Variants in SOHLH1 observed in about 807,000 individuals in gnomAD.
The protein encoded by SOHLH1 is spermatogenesis- and oogenesis-specific basic helix-loop-helix-containing protein 1.
A neutral mutation model predicts 36.2 loss-of-function variants in SOHLH1; 23 were observed. The observed-to-expected ratio is 0.64, with a 90% CI of 0.46 to 0.90. The LOEUF (loss-of-function observed/expected upper bound fraction) is 0.90, where lower values mean the gene tolerates loss of function less well. Ranked by LOEUF, SOHLH1 falls within the 40% of genes least tolerant of loss-of-function variation. The probability of loss-of-function intolerance (pLI) is 0.00; values close to 1 mark genes in which losing one functional copy is unlikely to be tolerated. For missense variants in SOHLH1, 608 were observed against 517.0 expected (o/e 1.18, Z -1.71); for synonymous variants, 289 against 228.3 (o/e 1.27, Z -2.40).
chr9:135,698,349 G>A lies in SOHLH1; in HGVS notation c.325C>T (p.Pro109Ser), dbSNP rs1834892273. 4 of 1,612,982 alleles carry A rather than the reference G, an allele frequency of 2.5e-6. No individual in the cohort carries two copies. Among genetic ancestry groups the A allele is most frequent in the South Asian group, 1.1e-5 (1 of 91,080 alleles). Residue 109 changes from proline (P) to serine (S), a missense_variant, in exon 3 of 8, where the codon CCC becomes TCC. Physicochemically the swap from Pro to Ser is moderately conservative, Grantham distance 74 (BLOSUM62 -1). Coordinates refer to ENST00000425225, the MANE Select transcript of SOHLH1 (RefSeq NM_001101677.2). ...QFLRLASALGPSQEQHAILAS... is the reference protein window; with the variant it reads ...QFLRLASALGSSQEQHAILAS... ...CTCACAGCGTGCTGCTCCTGACTGG[G>A]CCCCAGGGCGCTGGCAAGCCGCAGG...
intron 3 of SOHLH1, 36 bp from the exon 4 acceptor site, chr9:135,697,663 G>C: frequency 6.3e-7 from 1 of 1,599,360 alleles, no homozygotes; most frequent in African/African-American, 1.3e-5. Context: ...CAAAGACAGA[G>C]ACAGTCAGCT....
intron 5 of SOHLH1, 23 bp downstream of exon 5, chr9:135,696,589 C>T (rs1449056146): frequency 6.2e-7 from 1 of 1,610,960 alleles, no homozygotes; most frequent in Non-Finnish European, 8.5e-7. Context: ...CAAAGGCACC[C>T]CACATGCACA....
chr9:135,699,538 C>A, upstream of SOHLH1: 2 of 1,497,086 alleles, frequency 1.3e-6, no homozygotes, highest in Non-Finnish European at 1.8e-6. Flanking sequence ...CTCACGTGTG[C>A]TCTGCCCACC....
chr9:135,701,011 G>A (rs1356603218), upstream of SOHLH1, among the ~76,000 whole-genome samples: 4 of 152,254 alleles, frequency 2.6e-5, no homozygotes, highest in Admixed American at 1.3e-4. Flanking sequence ...CGGCCTCTCA[G>A]TTTTTTCTGA....
Position 135,696,734 on chromosome 9 carries a change from A to G in SOHLH1, c.539T>C (p.Val180Ala). The change falls in exon 5 of 8, where the codon GTG (valine) becomes GCG (alanine). Residue 180 changes from valine (V) to alanine (A), a missense_variant. Physicochemically the swap from Val to Ala is moderately conservative, Grantham distance 64 (BLOSUM62 0). Transcript: ENST00000425225. Reference protein sequence around the residue: ...LDPASASPEPVPHILASSRQW... With the variant: ...LDPASASPEPAPHILASSRQW... ...CCTGGAGGACGCAAGGATGTGCGGC[A>G]CGGGCTCTGGGCTGGCCGACGCTGG... 1 of 1,613,020 alleles carries G rather than the reference A, an allele frequency of 6.2e-7. No homozygotes were observed. Among genetic ancestry groups the G allele is most frequent in the African/African-American group, 1.3e-5 (1 of 75,042 alleles).
At chr9:135,698,852 T>TG in intron 2 of SOHLH1, 143 bp downstream of exon 2, 1 of 1,202,848 alleles carries the variant, frequency 8.3e-7, no homozygotes, top group Non-Finnish European at 1.2e-6. Context: ...CTGGTTTACT[T>TG]GGAGATGTGC....
intron 5 of SOHLH1, 26 bp from the exon 6 acceptor site, chr9:135,695,289 A>G (rs752985711): frequency 1.3e-6 from 2 of 1,568,544 alleles, no homozygotes; most frequent in South Asian, 2.3e-5. Flanking sequence ...GATGCGGGTC[A>G]GCCTTCCCTG....
At chr9:135,695,022 C>T (rs753569465) in intron 6 of SOHLH1, 28 bp downstream of exon 6, 6 of 1,564,396 alleles carry the variant, frequency 3.8e-6, no homozygotes, top group Non-Finnish European at 5.2e-6. Context: ...CACGCACACA[C>T]AGGCGTGCAC....
At position 135,696,820 on chromosome 9, in the gene SOHLH1, A is replaced by G. The variant is rs372078992; in HGVS notation, c.468-15T>C. On this transcript the variant is annotated splice_polypyrimidine_tract_variant and intron_variant, in intron 4 of 7. Coordinates refer to ENST00000425225, the MANE Select transcript of SOHLH1 (RefSeq NM_001101677.2). ...CATCTGGGGTTCTAGAAGGAGCAAC[A>G]TGACAAGGATCCTGGGTCTATTCCC... 237 of 1,612,556 alleles carry G rather than the reference A, an allele frequency of 1.5e-4. No homozygotes were observed. The highest frequency in any genetic ancestry group is 1.9e-4 in the Non-Finnish European group (227 of 1,179,896).
In SOHLH1 at chr9:135,696,635, CGCACCTG is replaced by C. The variant is rs1395561973; in HGVS notation, c.631_637del (p.Gln211GlyfsTer26). The C allele has an allele frequency of 6.2e-7, 1 of 1,612,456 alleles. No individual in the cohort carries two copies. Among genetic ancestry groups the C allele is most frequent in the African/African-American group, 1.3e-5 (1 of 74,910 alleles). Reference sequence around the variant, plus strand: ...ACCTGAGAAAGGGGGCAGCCCACCCCGCACCTGGCACAGCCCCAACAGTGCCTCACAC... The same window carrying C: ...ACCTGAGAAAGGGGGCAGCCCACCCCGCACAGCCCCAACAGTGCCTCACAC... On this transcript the variant is annotated frameshift_variant, in exon 5 of 8. Coordinates refer to ENST00000425225, the MANE Select transcript of SOHLH1 (RefSeq NM_001101677.2). LOFTEE classifies it high-confidence loss of function.
Position 135,698,351 on chromosome 9 carries a change from C to G in SOHLH1, c.323G>C (p.Gly108Ala). Residue 108 changes from glycine to alanine, a missense_variant, in exon 3 of 8, where the codon GGG (glycine) becomes GCG (alanine). Physicochemically the swap from Gly to Ala is moderately conservative, Grantham distance 60. Transcript: ENST00000425225. ...VQFLRLASAL[G>A]PSQEQHAILA... The stretch of plus-strand genomic sequence containing the variant: ...CACAGCGTGCTGCTCCTGACTGGGC[C>G]CCAGGGCGCTGGCAAGCCGCAGGAA... 1.2e-6 allele frequency: 2 copies of G among 1,613,042 alleles called. No homozygotes were observed. Among genetic ancestry groups the G allele is most frequent in the Non-Finnish European group, 1.7e-6 (2 of 1,180,022 alleles).
chr9:135,696,877 C>T lies in SOHLH1; in HGVS notation c.468-72G>A, dbSNP rs1017889164. ...CCTGGAAGGCTGCCCCCACCCACCC[C>T]AAGAGCAGAGGGCTGGACCCATCCC... On this transcript the variant is annotated intron_variant, in intron 4 of 7. Coordinates refer to ENST00000425225, the MANE Select transcript of SOHLH1 (RefSeq NM_001101677.2). 3.3e-6 allele frequency: 5 copies of T among 1,523,532 alleles called. No homozygotes were observed. In the East Asian group the frequency reaches 1.2e-4, roughly 36 times the overall value. The allele number at this position is 1,523,532 out of a possible 1,614,324, so 94.4% of individuals were successfully genotyped here. A position where few individuals can be genotyped will look rare whatever the true frequency, so the allele number is the denominator to read the frequency against.
chr9:135,694,754 C>A (rs955784766), intron 6 of SOHLH1, among the ~76,000 whole-genome samples: 1 of 151,550 alleles, frequency 6.6e-6, no homozygotes, highest in Non-Finnish European at 1.5e-5. Flanking sequence ...CCCTCCCACA[C>A]CCCAGCTGGT....
intron 4 of SOHLH1, 144 bp downstream of exon 4, chr9:135,697,362 T>C: frequency 2.4e-6 from 3 of 1,239,432 alleles, no homozygotes; most frequent in Non-Finnish European, 3.4e-6. Context: ...CCACCTGAGT[T>C]GGCAGGGCCC....
intron 2 of SOHLH1, among the ~76,000 whole-genome samples, chr9:135,698,786 G>C (rs532069): frequency 1.3e-5 from 2 of 152,150 alleles, no homozygotes; most frequent in Non-Finnish European, 2.9e-5. Context: ...ACAGCCTCAA[G>C]AGGCCAAGGC....
intron 2 of SOHLH1, 91 bp from the exon 3 acceptor site, chr9:135,698,567 G>A (rs1834903412): frequency 1.9e-6 from 3 of 1,583,184 alleles, no homozygotes; most frequent in Non-Finnish European, 2.6e-6. Context: ...ATAGACCCTG[G>A]GCGCTTGTCA....
rs143814340 is a variant in SOHLH1 at position 135,697,736 on chromosome 9, G to A, written c.346-109C>T. 4.0e-5 allele frequency: 55 copies of A among 1,369,274 alleles called. No homozygotes were observed. The African/African-American group carries it at 4.6e-4, about 12-fold the overall frequency. The allele number at this position is 1,369,274 out of a possible 1,614,324, so 84.8% of individuals were successfully genotyped here. On this transcript the variant is annotated intron_variant, in intron 3 of 7. Transcript: ENST00000425225. The stretch of plus-strand genomic sequence containing the variant: ...GGGCCTGGAGGGTCACTGTGAGCTC[G>A]GTCCCCGCTTGGAACTTGGGGGCGA...
chr9:135,700,963 G>T (rs755858682), upstream of SOHLH1, among the ~76,000 whole-genome samples: 13 of 152,208 alleles, frequency 8.5e-5, no homozygotes, highest in Non-Finnish European at 1.5e-4. Context: ...TTGACAACAC[G>T]TGTAATTACT....
intron 5 of SOHLH1, among the ~76,000 whole-genome samples, chr9:135,696,243 C>A (rs528221518): frequency 1.1e-3 from 146 of 136,692 alleles, no homozygotes; most frequent in African/African-American, 3.4e-3. Flanking sequence ...CGTCCCCATG[C>A]TTCCCAGCAG....
Sources: allele counts gnomAD v4.1 joint callset (sites outside exome capture counted in the v4.1 genomes callset), GRCh38; gene constraint gnomAD v4.1.1; transcripts MANE v1.5; gene names NCBI Gene and HGNC (gene_info 2026-07-23, HGNC 2026-07-21).